The following SRGAP3 variants were observed in gnomAD, a reference collection of about 807,000 sequenced individuals.
SRGAP3 encodes the protein SLIT-ROBO Rho GTPase-activating protein 3.
Under a neutral mutation model 121.1 loss-of-function variants are expected in SRGAP3, and 39 were observed. The observed-to-expected ratio is 0.32, with a 90% CI of 0.25 to 0.42. The LOEUF (loss-of-function observed/expected upper bound fraction) is 0.42, where lower values mean the gene tolerates loss of function less well. Among genes scored for constraint, SRGAP3 ranks in the 10% least tolerant of loss-of-function variants. The probability of loss-of-function intolerance (pLI) is 1.00; values close to 1 mark genes in which losing one functional copy is unlikely to be tolerated. For missense variants in SRGAP3, 1,213 were observed against 1,470.6 expected (o/e 0.82, Z 2.86); for synonymous variants, 601 against 570.0 (o/e 1.05, Z -0.77).
intron 3 of SRGAP3, among the ~76,000 whole-genome samples, chr3:9,289,298 T>C (rs184213768): frequency 8.6e-4 from 131 of 152,374 alleles, no homozygotes; most frequent in African/African-American, 2.9e-3. Flanking sequence ...AATTATACCA[T>C]CTGCAGTCTC....
chr3:9,287,539 G>T lies in SRGAP3; in HGVS notation n.442+38471C>A, dbSNP rs114932248. Among the ~76,000 whole-genome samples the T allele has an allele frequency of 2.4e-3, 363 of 152,250 alleles. 1 individual carries two copies. Among genetic ancestry groups the T allele is most frequent in the Non-Finnish European group, 3.3e-3 (227 of 68,012 alleles). On this transcript the variant is annotated intron_variant and non_coding_transcript_variant, in intron 3 of 3. Coordinates refer to the SRGAP3 transcript ENST00000490889. ...GTTTCTCCCATGTTCTCACTTAGAA[G>T]TGGGAGCTAAACAATGGCCACACAT...
chr3:9,280,713 C>A (rs752821048), intron 3 of SRGAP3, among the ~76,000 whole-genome samples: 4 of 152,164 alleles, frequency 2.6e-5, no homozygotes, highest in Non-Finnish European at 4.4e-5. Context: ...TATGACAGTA[C>A]CCACTCGACA....
intron 8 of SRGAP3, 100 bp from the exon 9 acceptor site, chr3:9,053,324 A>C: frequency 8.3e-7 from 1 of 1,201,972 alleles, no homozygotes; most frequent in Non-Finnish European, 1.2e-6. Flanking sequence ...TTCCATATGA[A>C]GTCCCTAGGA....
chr3:9,008,451 G>GAT, intron 18 of SRGAP3: 1 of 152,502 alleles, frequency 6.6e-6, no homozygotes, highest in Non-Finnish European at 1.5e-5. Flanking sequence ...AGGAGAGAGA[G>GAT]AGAGAGAGAG....
chr3:9,288,126 C>CTTTT (rs1303208494), intron 3 of SRGAP3, among the ~76,000 whole-genome samples: 1 of 111,832 alleles, frequency 8.9e-6, no homozygotes, highest in Non-Finnish European at 2.0e-5. Flanking sequence ...TTCATTCTAT[C>CTTTT]TTTGTTTTTT....
intron 3 of SRGAP3, among the ~76,000 whole-genome samples, chr3:9,093,498 C>T (rs191748675): frequency 6.6e-6 from 1 of 152,068 alleles, no homozygotes; most frequent in African/African-American, 2.4e-5. Context: ...CCCACTCATC[C>T]ACTCATCCAT....
rs191890077 is a variant in SRGAP3 at position 9,138,433 on chromosome 3, C to G, written c.68-13516G>C. Among the ~76,000 whole-genome samples the G allele has an allele frequency of 3.9e-5, 6 of 152,236 alleles. No individual in the cohort carries two copies. The East Asian group carries it at 1.2e-3, about 29-fold the overall frequency. On this transcript the variant is annotated intron_variant, in intron 1 of 21. Transcript: ENST00000383836. ...GGAGTTTAGCAAGTAAGTATTCAAG[C>G]AAGGGTTGAAGACATGCTAGCACCT...
chr3:9,302,823 G>C (rs898556124), intron 3 of SRGAP3, among the ~76,000 whole-genome samples: 2 of 152,118 alleles, frequency 1.3e-5, no homozygotes, highest in Non-Finnish European at 2.9e-5. Flanking sequence ...CCGGGTACAA[G>C]GGGGAGAGGC....
At chr3:9,236,776 T>C (rs1339359699) in intron 1 of SRGAP3, among the ~76,000 whole-genome samples, 1 of 152,216 alleles carries the variant, frequency 6.6e-6, no homozygotes, top group Non-Finnish European at 1.5e-5. Context: ...GGTGTTTCTT[T>C]ATAGCAGTGA....
intron 1 of SRGAP3, among the ~76,000 whole-genome samples, chr3:9,336,811 C>A (rs1387962812): frequency 2.0e-5 from 3 of 152,260 alleles, no homozygotes; most frequent in South Asian, 2.1e-4. Context: ...TGTTAGAGTT[C>A]TCCAGAGAAA....
chr3:9,280,576 G>A (rs1954657599), intron 3 of SRGAP3, among the ~76,000 whole-genome samples: 1 of 152,210 alleles, frequency 6.6e-6, no homozygotes, highest in African/African-American at 2.4e-5. Flanking sequence ...ATGACAATCT[G>A]CATTTCCATC....
chr3:9,190,082 T>A (rs1284624653), intron 1 of SRGAP3, among the ~76,000 whole-genome samples: 2 of 152,068 alleles, frequency 1.3e-5, no homozygotes, highest in African/African-American at 4.8e-5. Flanking sequence ...CCATCCAATA[T>A]CCCAGGACCA....
At chr3:9,270,812 T>G (rs2125260458) in intron 3 of SRGAP3, among the ~76,000 whole-genome samples, 1 of 152,334 alleles carries the variant, frequency 6.6e-6, no homozygotes, top group African/African-American at 2.4e-5. Context: ...AAGAGATTTT[T>G]TTTTTTAAGT....
chr3:9,037,042 T>C (rs1324051900), intron 11 of SRGAP3: 2 of 152,112 alleles, frequency 1.3e-5, no homozygotes, highest in East Asian at 1.9e-4. Context: ...CCCCAGAGGT[T>C]GCCAAGACTT....
chr3:9,174,506 T>A (rs962791421), intron 1 of SRGAP3, among the ~76,000 whole-genome samples: 4 of 152,002 alleles, frequency 2.6e-5, no homozygotes, highest in African/African-American at 9.7e-5. Flanking sequence ...GCGGGCAGAA[T>A]GAAGGGAGAA....
chr3:9,100,155 G>A (rs183739448), intron 3 of SRGAP3, among the ~76,000 whole-genome samples: 26 of 152,278 alleles, frequency 1.7e-4, no homozygotes, highest in Non-Finnish European at 3.1e-4. Context: ...AAGATTATAC[G>A]TCAGAGCCAA....
intron 3 of SRGAP3, among the ~76,000 whole-genome samples, chr3:9,101,989 G>C (rs1339546774): frequency 6.6e-6 from 1 of 152,210 alleles, no homozygotes; most frequent in African/African-American, 2.4e-5. Flanking sequence ...ACCACCTCCC[G>C]CATCAGTGAG....
Position 9,145,214 on chromosome 3 carries a change from G to A in SRGAP3, c.68-20297C>T, listed in dbSNP as rs1575141107. ...AGGTTCAAGCGATTCTCCTACCTCA[G>A]CCTCCCAAGTAGCTGGGATTACAGG... is the stretch of plus-strand genomic sequence containing the variant. On this transcript the variant is annotated intron_variant, in intron 1 of 21. Coordinates refer to ENST00000383836, the MANE Select transcript of SRGAP3 (RefSeq NM_014850.4). 3.3e-5 allele frequency among the ~76,000 whole-genome samples: 5 copies of A among 152,258 alleles called. No individual in the cohort carries two copies. In the South Asian group the frequency reaches 1.0e-3, roughly 32 times the overall value.
At chr3:9,197,694 C>T (rs1273383159) in intron 1 of SRGAP3, among the ~76,000 whole-genome samples, 1 of 152,206 alleles carries the variant, frequency 6.6e-6, no homozygotes, top group Admixed American at 6.5e-5. Flanking sequence ...TCATGCATCT[C>T]AGAAGTTTAG....
Sources: allele counts gnomAD v4.1 joint callset (sites outside exome capture counted in the v4.1 genomes callset), GRCh38; gene constraint gnomAD v4.1.1; transcripts MANE v1.5; gene names NCBI Gene and HGNC (gene_info 2026-07-23, HGNC 2026-07-21).